Variants in CMIP observed in about 807,000 individuals in gnomAD.
CMIP encodes C-Maf-inducing protein.
A neutral mutation model predicts 97.3 loss-of-function variants in CMIP; 13 were observed. That is an observed-to-expected ratio of 0.13 (90% CI 0.09 to 0.21). CMIP has a LOEUF of 0.21. Among genes scored for constraint, CMIP ranks in the 10% least tolerant of loss-of-function variants. The pLI is 1.00. For synonymous variants in CMIP, 538 were observed against 436.3 expected (o/e 1.23, Z -2.91); for missense variants, 847 against 1,024.9 (o/e 0.83, Z 2.37).
intron 1 of CMIP, among the ~76,000 whole-genome samples, chr16:81,525,901 G>A (rs115175717): frequency 6.6e-5 from 10 of 152,222 alleles, no homozygotes; most frequent in South Asian, 2.1e-4. Flanking sequence ...TTTACTTAGC[G>A]TAATGCTCTC....
At chr16:81,489,646 G>A (rs2089374717) in intron 1 of CMIP, among the ~76,000 whole-genome samples, 1 of 152,232 alleles carries the variant, frequency 6.6e-6, no homozygotes, top group Admixed American at 6.5e-5. Context: ...GCTGTGGGAT[G>A]GCCTTGGCTC....
intron 2 of CMIP, chr16:81,617,535 A>T (rs529601189): frequency 6.6e-6 from 1 of 152,466 alleles, no homozygotes; most frequent in East Asian, 1.9e-4. Context: ...GAGACCCCAG[A>T]TGGGAAGGGC....
At chr16:81,687,168 C>A (rs1905494520) in intron 10 of CMIP, among the ~76,000 whole-genome samples, 1 of 152,126 alleles carries the variant, frequency 6.6e-6, no homozygotes. Context: ...TGGCCCGGTC[C>A]CAGTGTGCAC....
chr16:81,685,613 C>T (rs1905294556), intron 10 of CMIP, among the ~76,000 whole-genome samples: 1 of 151,940 alleles, frequency 6.6e-6, no homozygotes, highest in Admixed American at 6.6e-5. Context: ...GCCGCAGTTA[C>T]AGGTCACTGC....
intron 5 of CMIP, among the ~76,000 whole-genome samples, chr16:81,659,462 T>G (rs985248908): frequency 2.6e-5 from 4 of 152,002 alleles, no homozygotes; most frequent in African/African-American, 9.7e-5. Context: ...AGGTGAATCT[T>G]AAAGGATAGA....
intron 1 of CMIP, among the ~76,000 whole-genome samples, chr16:81,446,541 C>T (rs1296438061): frequency 6.6e-6 from 1 of 151,828 alleles, no homozygotes; most frequent in Non-Finnish European, 1.5e-5. Flanking sequence ...CCGTGGGGGT[C>T]CCATCCTCAT....
intron 1 of CMIP, among the ~76,000 whole-genome samples, chr16:81,498,095 A>G (rs1313600286): frequency 6.6e-6 from 1 of 152,170 alleles, no homozygotes; most frequent in Non-Finnish European, 1.5e-5. Context: ...GGCTCTGAGG[A>G]CAGAGGTCAG....
chr16:81,669,277 C>T (rs547680761), intron 7 of CMIP, among the ~76,000 whole-genome samples: 1 of 111,080 alleles, frequency 9.0e-6, no homozygotes, highest in South Asian at 4.0e-4. Flanking sequence ...TCCACATCCA[C>T]CTCACACCTC....
intron 1 of CMIP, among the ~76,000 whole-genome samples, chr16:81,509,547 A>G (rs1284780265): frequency 6.6e-6 from 1 of 152,086 alleles, no homozygotes; most frequent in African/African-American, 2.4e-5. Flanking sequence ...CCTGATGTGC[A>G]GGTACTCGGG....
intron 1 of CMIP, among the ~76,000 whole-genome samples, chr16:81,498,255 C>T (rs922115974): frequency 4.6e-5 from 7 of 152,232 alleles, no homozygotes; most frequent in Admixed American, 1.3e-4. Context: ...AGCCCCAGGA[C>T]GTGACCTGAG....
chr16:81,691,575 A>G, intron 10 of CMIP, 200 bp from the exon 11 acceptor site: 1 of 613,016 alleles, frequency 1.6e-6, no homozygotes, highest in Non-Finnish European at 2.9e-6. Flanking sequence ...AAGTCTCTGC[A>G]CAGGCCCAGT....
At chr16:81,603,816 A>G (rs896712296) in intron 1 of CMIP, among the ~76,000 whole-genome samples, 1 of 152,214 alleles carries the variant, frequency 6.6e-6, no homozygotes, top group Non-Finnish European at 1.5e-5. Context: ...CCCAGAGGCA[A>G]AGATTGGTCT....
At chr16:81,666,858 C>A (rs557337371) in intron 7 of CMIP, 5 of 152,358 alleles carry the variant, frequency 3.3e-5, no homozygotes, top group African/African-American at 9.6e-5. Flanking sequence ...CCTAACAACA[C>A]AGGCGGTGGG....
chr16:81,701,663 C>T lies in CMIP; in HGVS notation c.1759C>T (p.Leu587=). 6.2e-7 allele frequency: 1 copy of T among 1,613,874 alleles called. No individual in the cohort carries two copies. Among genetic ancestry groups the T allele is most frequent in the Non-Finnish European group, 8.5e-7 (1 of 1,179,870 alleles). Reference sequence around the variant, plus strand: ...GCACCCCTGCGGTTCTGGACAGATCCTGTGCTTGATGCTGGAATACAACAT... The same window carrying T: ...GCACCCCTGCGGTTCTGGACAGATCTTGTGCTTGATGCTGGAATACAACAT... ...LRGNQTMVEI[L]CLMLEYNIID... The change falls in exon 16 of 21, where the codon CTG becomes TTG. Residue 587 remains leucine (L), a synonymous_variant. Transcript: ENST00000537098.
At chr16:81,599,910 C>T (rs2091628837) in intron 1 of CMIP, among the ~76,000 whole-genome samples, 1 of 152,092 alleles carries the variant, frequency 6.6e-6, no homozygotes, top group South Asian at 2.1e-4. Flanking sequence ...ACCACGGGCA[C>T]CTGTGAATGT....
chr16:81,484,003 C>A (rs569798656), intron 1 of CMIP, among the ~76,000 whole-genome samples: 187 of 152,296 alleles, frequency 1.2e-3, no homozygotes, highest in African/African-American at 4.3e-3. Flanking sequence ...GTAATCATTT[C>A]AAGCTTAATA....
At chr16:81,642,686 AGGAGTT>A (rs2092319864) in intron 3 of CMIP, among the ~76,000 whole-genome samples, 1 of 152,190 alleles carries the variant, frequency 6.6e-6, no homozygotes, top group African/African-American at 2.4e-5. Context: ...TCCTGAGGTC[AGGAGTT>A]CGAGACCAGC....
At position 81,664,302 on chromosome 16, in the gene CMIP, A is replaced by G; in HGVS notation, c.778A>G (p.Ile260Val). ...CRERPRSMVV[I>V]EVFTPVVQRI... ...AGAGCGGCCCCGGTCCATGGTGGTC[A>G]TCGAGGTGTTCACCCCCGTGGTGCA... Residue 260 changes from isoleucine (I) to valine (V), a missense_variant, in exon 7 of 21, where the codon ATC becomes GTC. Coordinates refer to ENST00000537098, the MANE Select transcript of CMIP (RefSeq NM_198390.3). The G allele has an allele frequency of 1.9e-6, 3 of 1,603,202 alleles. No individual in the cohort carries two copies. Among genetic ancestry groups the G allele is most frequent in the South Asian group, 2.3e-5 (2 of 88,448 alleles).
intron 1 of CMIP, among the ~76,000 whole-genome samples, chr16:81,506,322 GC>G (rs1471665327): frequency 1.3e-5 from 2 of 152,098 alleles, no homozygotes; most frequent in Non-Finnish European, 2.9e-5. Context: ...ATGAGCAAGG[GC>G]CCCCAGAGAA....
Sources: allele counts gnomAD v4.1 joint callset (sites outside exome capture counted in the v4.1 genomes callset), GRCh38; gene constraint gnomAD v4.1.1; transcripts MANE v1.5; gene names NCBI Gene and HGNC (gene_info 2026-07-23, HGNC 2026-07-21).